The following PPP1R9A variants were observed in gnomAD, a reference collection of about 807,000 sequenced individuals.
The protein encoded by PPP1R9A is protein phosphatase 1 regulatory subunit 9A.
PPP1R9A carries 59 observed loss-of-function variants against 141.9 expected under a neutral mutation model. That is an observed-to-expected ratio of 0.42 (90% CI 0.34 to 0.52). The LOEUF (loss-of-function observed/expected upper bound fraction) is 0.52. PPP1R9A is among the 20% of genes least tolerant of loss of function. The probability of loss-of-function intolerance (pLI) is 0.10; values close to 1 mark genes in which losing one functional copy is unlikely to be tolerated. For synonymous variants in PPP1R9A, 500 were observed against 569.7 expected (o/e 0.88, Z 1.74); for missense variants, 1,444 against 1,611.9 (o/e 0.90, Z 1.78).
At chr7:94,960,737 A>G (rs1407998385) in intron 2 of PPP1R9A, among the ~76,000 whole-genome samples, 1 of 151,732 alleles carries the variant, frequency 6.6e-6, no homozygotes, top group African/African-American at 2.4e-5. Context: ...AAAGGAGCCA[A>G]AATTTGAATC....
At chr7:95,259,296 T>C (rs1800074159) in intron 12 of PPP1R9A, among the ~76,000 whole-genome samples, 2 of 151,870 alleles carry the variant, frequency 1.3e-5, no homozygotes, top group South Asian at 4.1e-4. Flanking sequence ...TCTTTTTTTT[T>C]TTCTTTCTTC....
At chr7:95,188,789 G>T (rs1267619942) in intron 5 of PPP1R9A, among the ~76,000 whole-genome samples, 1 of 152,026 alleles carries the variant, frequency 6.6e-6, no homozygotes, top group African/African-American at 2.4e-5. Context: ...AGTAGAGATA[G>T]GGTTTTACCA....
At chr7:94,960,907 T>C (rs1375897102) in intron 2 of PPP1R9A, among the ~76,000 whole-genome samples, 1 of 151,738 alleles carries the variant, frequency 6.6e-6, no homozygotes, top group Non-Finnish European at 1.5e-5. Flanking sequence ...CAGATGTATT[T>C]AATAGAAAAG....
intron 2 of PPP1R9A, among the ~76,000 whole-genome samples, chr7:94,997,907 G>A (rs1359687363): frequency 6.6e-6 from 1 of 151,984 alleles, no homozygotes; most frequent in Non-Finnish European, 1.5e-5. Context: ...TATGGAAAAG[G>A]GATTTACTCA....
chr7:95,158,196 C>T (rs1829927992), intron 4 of PPP1R9A, among the ~76,000 whole-genome samples: 1 of 152,094 alleles, frequency 6.6e-6, no homozygotes, highest in Non-Finnish European at 1.5e-5. Flanking sequence ...ATATATTGCA[C>T]TACTTAACTC....
chr7:95,222,458 G>T (rs1485994426), intron 7 of PPP1R9A, among the ~76,000 whole-genome samples: 5 of 151,962 alleles, frequency 3.3e-5, no homozygotes, highest in African/African-American at 1.2e-4. Context: ...CCAATGCTGG[G>T]CACACAGTAA....
intron 3 of PPP1R9A, among the ~76,000 whole-genome samples, chr7:95,118,058 A>G (rs1008827197): frequency 6.6e-6 from 1 of 152,186 alleles, no homozygotes; most frequent in Admixed American, 6.5e-5. Context: ...AATGTGACGA[A>G]TGTCAATAAG....
intron 2 of PPP1R9A, among the ~76,000 whole-genome samples, chr7:95,051,273 T>C (rs1271676341): frequency 1.3e-5 from 2 of 152,188 alleles, no homozygotes; most frequent in African/African-American, 4.8e-5. Context: ...CTTTGCTCTT[T>C]TGTCAAAGAT....
chr7:95,093,470 T>G (rs1461414211), intron 2 of PPP1R9A, among the ~76,000 whole-genome samples: 2 of 152,190 alleles, frequency 1.3e-5, no homozygotes, highest in Non-Finnish European at 2.9e-5. Flanking sequence ...TAAAGCTAAT[T>G]ACCCTTGACT....
chr7:95,126,462 A>G (rs987941150), intron 4 of PPP1R9A, among the ~76,000 whole-genome samples: 4 of 152,174 alleles, frequency 2.6e-5, no homozygotes, highest in Non-Finnish European at 5.9e-5. Context: ...TGTTTATGGT[A>G]AGCACATGGA....
At chr7:94,966,957 C>T (rs983085806) in intron 2 of PPP1R9A, among the ~76,000 whole-genome samples, 28 of 151,990 alleles carry the variant, frequency 1.8e-4, no homozygotes, top group African/African-American at 6.5e-4. Context: ...GGCTTTTTTT[C>T]GTTGGTAGGC....
chr7:95,284,899 G>T (rs1011420997), intron 17 of PPP1R9A, among the ~76,000 whole-genome samples: 10 of 152,210 alleles, frequency 6.6e-5, no homozygotes, highest in Admixed American at 6.5e-4. Context: ...TTCACACGTT[G>T]TTTGGTCTCC....
chr7:95,083,761 T>G (rs1816243507), intron 2 of PPP1R9A, among the ~76,000 whole-genome samples: 1 of 151,910 alleles, frequency 6.6e-6, no homozygotes, highest in Non-Finnish European at 1.5e-5. Flanking sequence ...TATTTGTAAT[T>G]GGGTTCCAAA....
chr7:95,248,409 A>C (rs1246206415), intron 9 of PPP1R9A, among the ~76,000 whole-genome samples: 1 of 151,832 alleles, frequency 6.6e-6, no homozygotes, highest in Non-Finnish European at 1.5e-5. Flanking sequence ...TTCTCAGCTA[A>C]TTCACTCTGC....
chr7:95,274,047 T>C, intron 15 of PPP1R9A, 38 bp from the exon 16 acceptor site: 1 of 1,505,448 alleles, frequency 6.6e-7, no homozygotes, highest in Non-Finnish European at 9.1e-7. Flanking sequence ...AAGAGAAAAT[T>C]TCAGCTTCCC....
At chr7:95,071,068 A>T (rs1055248882) in intron 2 of PPP1R9A, among the ~76,000 whole-genome samples, 1 of 152,038 alleles carries the variant, frequency 6.6e-6, no homozygotes, top group Admixed American at 6.6e-5. Flanking sequence ...GTGACTATAC[A>T]CTAAAGATTG....
At chr7:95,113,585 G>A (rs1200811455) in intron 3 of PPP1R9A, among the ~76,000 whole-genome samples, 1 of 152,158 alleles carries the variant, frequency 6.6e-6, no homozygotes, top group Non-Finnish European at 1.5e-5. Context: ...AATTAGACTA[G>A]CATCAGACTG....
intron 2 of PPP1R9A, among the ~76,000 whole-genome samples, chr7:94,923,308 T>A (rs1470346377): frequency 2.6e-5 from 4 of 152,178 alleles, no homozygotes; most frequent in Admixed American, 1.3e-4. Flanking sequence ...GTGAAACATA[T>A]TTTAATGAGT....
intron 2 of PPP1R9A, among the ~76,000 whole-genome samples, chr7:95,028,309 G>A (rs1807182420): frequency 6.6e-6 from 1 of 152,030 alleles, no homozygotes; most frequent in African/African-American, 2.4e-5. Flanking sequence ...GCCCAAAGAT[G>A]AAAACTCAGC....
Sources: gnomAD v4.1 joint callset for allele counts (sites outside exome capture counted in the v4.1 genomes callset) on GRCh38, gnomAD v4.1.1 for gene constraint, MANE v1.5 for transcripts, NCBI Gene and HGNC (gene_info 2026-07-23, HGNC 2026-07-21) for gene names.